RBFOX1: variants seen among roughly 807,000 people sequenced by gnomAD.
The protein encoded by RBFOX1 is RNA binding fox-1 homolog 1, also known as RNA binding protein fox-1 homolog 1.
Under a neutral mutation model 57.7 loss-of-function variants are expected in RBFOX1, and 8 were observed. The ratio of observed to expected loss-of-function variants is 0.14; its 90% CI spans 0.08 to 0.25. The LOEUF (loss-of-function observed/expected upper bound fraction) is 0.25. Ranked by LOEUF, RBFOX1 falls within the 10% of genes least tolerant of loss-of-function variation. The pLI is 1.00. For missense variants in RBFOX1, 611 were observed against 548.5 expected (o/e 1.11, Z -1.14); for synonymous variants, 326 against 222.4 (o/e 1.47, Z -4.15).
intron 2 of RBFOX1, among the ~76,000 whole-genome samples, chr16:6,579,729 A>G (rs1016317445): frequency 6.6e-6 from 1 of 152,036 alleles, no homozygotes; most frequent in Non-Finnish European, 1.5e-5. Context: ...GCAGCGTGGG[A>G]ACAGACTAAT....
At chr16:5,968,603 C>T (rs17138992) in intron 4 of RBFOX1, among the ~76,000 whole-genome samples, 35,539 of 151,882 alleles carry the variant, frequency 0.23, 4,713 homozygotes, top group African/African-American at 0.37. Context: ...ATCATGTGTT[C>T]TTTTGCCAAG....
At chr16:7,064,354 A>G (rs543693738) in intron 4 of RBFOX1, among the ~76,000 whole-genome samples, 1 of 152,016 alleles carries the variant, frequency 6.6e-6, no homozygotes, top group Admixed American at 6.6e-5. Flanking sequence ...TTTTTAGTAG[A>G]GATGGGGTTT....
intron 4 of RBFOX1, among the ~76,000 whole-genome samples, chr16:5,974,241 G>T (rs1369505068): frequency 6.6e-6 from 1 of 152,184 alleles, no homozygotes; most frequent in Non-Finnish European, 1.5e-5. Context: ...ATTTGGAACT[G>T]CAAAGAGAGG....
At chr16:5,467,180 C>CTG (rs2068978123) in intron 1 of RBFOX1, 1 of 1,437,784 alleles carries the variant, frequency 7.0e-7, no homozygotes, top group Admixed American at 2.2e-5. Context: ...TTTCTTCTCT[C>CTG]TCTCTCTCTC....
chr16:5,816,803 C>G (rs1023315093), intron 3 of RBFOX1, among the ~76,000 whole-genome samples: 3 of 152,070 alleles, frequency 2.0e-5, no homozygotes, highest in Admixed American at 6.6e-5. Flanking sequence ...TTATATAGCC[C>G]TAGATCTAGG....
intron 4 of RBFOX1, among the ~76,000 whole-genome samples, chr16:5,984,583 G>A (rs2152313429): frequency 6.6e-6 from 1 of 152,190 alleles, no homozygotes. Context: ...AATAGTAACT[G>A]CACATTCTGG....
chr16:6,750,703 A>G (rs879268940), intron 3 of RBFOX1, among the ~76,000 whole-genome samples: 5 of 152,194 alleles, frequency 3.3e-5, no homozygotes, highest in East Asian at 1.9e-4. Context: ...TTCATTCATT[A>G]TTCGTCATTT....
chr16:6,451,743 C>G (rs1188807301), intron 2 of RBFOX1, among the ~76,000 whole-genome samples: 1 of 152,208 alleles, frequency 6.6e-6, no homozygotes, highest in Non-Finnish European at 1.5e-5. Flanking sequence ...AGACAGAGCA[C>G]ATACAGTATT....
intron 3 of RBFOX1, among the ~76,000 whole-genome samples, chr16:5,822,369 A>T (rs950441940): frequency 3.9e-5 from 6 of 152,164 alleles, no homozygotes; most frequent in Non-Finnish European, 8.8e-5. Context: ...GGTTCTCACA[A>T]ATCTCCACTA....
intron 2 of RBFOX1, among the ~76,000 whole-genome samples, chr16:6,362,001 C>G (rs1268737119): frequency 6.6e-6 from 1 of 152,084 alleles, no homozygotes; most frequent in Non-Finnish European, 1.5e-5. Context: ...AGAAAACAAG[C>G]AAAGCCTTCA....
intron 4 of RBFOX1, among the ~76,000 whole-genome samples, chr16:7,251,758 C>T (rs1372353759): frequency 2.0e-5 from 3 of 152,102 alleles, no homozygotes; most frequent in East Asian, 3.9e-4. Context: ...AGGTTGATTC[C>T]ATATCTTAGC....
chr16:7,360,311 G>A (rs184701901), intron 4 of RBFOX1, among the ~76,000 whole-genome samples: 1 of 152,150 alleles, frequency 6.6e-6, no homozygotes, highest in Admixed American at 6.5e-5. Flanking sequence ...TAGCCAAACT[G>A]TGGTCAACTG....
intron 4 of RBFOX1, among the ~76,000 whole-genome samples, chr16:5,876,856 A>T (rs977343422): frequency 6.6e-6 from 1 of 152,168 alleles, no homozygotes; most frequent in African/African-American, 2.4e-5. Context: ...CCAAGGATTC[A>T]CCATGTTTTA....
intron 1 of RBFOX1, among the ~76,000 whole-genome samples, chr16:5,350,606 C>T (rs910748709): frequency 6.6e-6 from 1 of 152,216 alleles, no homozygotes; most frequent in East Asian, 1.9e-4. Flanking sequence ...TGGCTTACAC[C>T]TGTAATCCCA....
At chr16:6,447,490 C>A (rs1470949575) in intron 2 of RBFOX1, among the ~76,000 whole-genome samples, 1 of 152,170 alleles carries the variant, frequency 6.6e-6, no homozygotes, top group African/African-American at 2.4e-5. Flanking sequence ...GACTTTCAAT[C>A]ATTTTAGTGC....
At chr16:6,646,020 CA>C (rs1163986905) in intron 2 of RBFOX1, among the ~76,000 whole-genome samples, 1 of 152,026 alleles carries the variant, frequency 6.6e-6, no homozygotes, top group Non-Finnish European at 1.5e-5. Flanking sequence ...TTCCCGGCTA[CA>C]AAAAGTAGAA....
intron 4 of RBFOX1, among the ~76,000 whole-genome samples, chr16:7,473,313 G>A (rs2056189174): frequency 6.6e-6 from 1 of 151,528 alleles, no homozygotes; most frequent in Non-Finnish European, 1.5e-5. Flanking sequence ...AGGAGGCGGA[G>A]GTTGTAGTGA....
At chr16:5,286,773 G>A (rs900230501) in intron 1 of RBFOX1, among the ~76,000 whole-genome samples, 1 of 152,238 alleles carries the variant, frequency 6.6e-6, no homozygotes, top group African/African-American at 2.4e-5. Flanking sequence ...CTCTGTTGCA[G>A]TGAAGCAGTG....
intron 4 of RBFOX1, among the ~76,000 whole-genome samples, chr16:7,500,563 A>G (rs1189297541): frequency 6.6e-6 from 1 of 152,214 alleles, no homozygotes; most frequent in African/African-American, 2.4e-5. Context: ...CATATGGATG[A>G]AAATATCTTA....
Sources: allele counts gnomAD v4.1 joint callset (sites outside exome capture counted in the v4.1 genomes callset), GRCh38; gene constraint gnomAD v4.1.1; transcripts MANE v1.5; gene names NCBI Gene and HGNC (gene_info 2026-07-23, HGNC 2026-07-21).